The following RAB11FIP4 variants were observed in gnomAD, a reference collection of about 807,000 sequenced individuals.
The protein encoded by RAB11FIP4 is rab11 family-interacting protein 4.
Under a neutral mutation model 74.3 loss-of-function variants are expected in RAB11FIP4, and 23 were observed. The observed-to-expected ratio is 0.31, with a 90% CI of 0.22 to 0.44. The LOEUF (loss-of-function observed/expected upper bound fraction) is 0.44, where lower values mean the gene tolerates loss of function less well. Ranked by LOEUF, RAB11FIP4 falls within the 20% of genes least tolerant of loss-of-function variation. The pLI is 1.00. For synonymous variants in RAB11FIP4, 360 were observed against 359.9 expected (o/e 1.00, Z 0.00); for missense variants, 630 against 863.9 (o/e 0.73, Z 3.39).
chr17:31,442,713 A>G (rs2071417286), intron 3 of RAB11FIP4, among the ~76,000 whole-genome samples: 1 of 152,156 alleles, frequency 6.6e-6, no homozygotes, highest in Non-Finnish European at 1.5e-5. Flanking sequence ...TAATCCCAGC[A>G]CTTTGGGAAG....
intron 3 of RAB11FIP4, among the ~76,000 whole-genome samples, chr17:31,453,163 C>A (rs868250664): frequency 3.3e-5 from 5 of 152,044 alleles, no homozygotes; most frequent in Middle Eastern, 3.4e-3. Context: ...CCAGCCTAAG[C>A]AACATAGAGA....
intron 3 of RAB11FIP4, among the ~76,000 whole-genome samples, chr17:31,487,052 C>T (rs1043573126): frequency 5.3e-5 from 8 of 152,080 alleles, no homozygotes; most frequent in African/African-American, 1.9e-4. Context: ...TGGTCCTGCC[C>T]GTACCAAAGT....
intron 9 of RAB11FIP4, 108 bp from the exon 10 acceptor site, chr17:31,524,982 G>T: frequency 7.4e-7 from 1 of 1,360,322 alleles, no homozygotes; most frequent in Non-Finnish European, 1.0e-6. Context: ...GCCCTCAGTG[G>T]ACATGCCAGT....
chr17:31,434,722 G>A (rs944427028), intron 3 of RAB11FIP4, among the ~76,000 whole-genome samples: 2 of 152,188 alleles, frequency 1.3e-5, no homozygotes, highest in East Asian at 1.9e-4. Flanking sequence ...TTGTACTTAC[G>A]ATGATCAGTG....
At chr17:31,461,847 T>C (rs2071637102) in intron 3 of RAB11FIP4, among the ~76,000 whole-genome samples, 1 of 152,096 alleles carries the variant, frequency 6.6e-6, no homozygotes, top group Non-Finnish European at 1.5e-5. Flanking sequence ...TTCTACTGAA[T>C]GGGAATCTGC....
chr17:31,483,366 A>G (rs2071870152), intron 3 of RAB11FIP4, among the ~76,000 whole-genome samples: 1 of 151,908 alleles, frequency 6.6e-6, no homozygotes, highest in Admixed American at 6.6e-5. Flanking sequence ...ACCTGGCTCT[A>G]CTCCTGGCTC....
At chr17:31,524,421 G>C (rs907844874) in intron 9 of RAB11FIP4, 4 of 194,604 alleles carry the variant, frequency 2.1e-5, no homozygotes, top group Non-Finnish European at 4.3e-5. Context: ...TGCCGTTCCT[G>C]ATGCTGTCTG....
chr17:31,479,547 C>T (rs527888444), intron 3 of RAB11FIP4, among the ~76,000 whole-genome samples: 1 of 152,288 alleles, frequency 6.6e-6, no homozygotes, highest in East Asian at 1.9e-4. Context: ...GGTAGGGGAC[C>T]TGACAGGAGG....
chr17:31,450,691 G>A (rs144498456), intron 3 of RAB11FIP4, among the ~76,000 whole-genome samples: 22 of 152,022 alleles, frequency 1.4e-4, no homozygotes, highest in African/African-American at 5.1e-4. Context: ...ACTCCCCAGG[G>A]GAGCTGGTTG....
intron 1 of RAB11FIP4, among the ~76,000 whole-genome samples, chr17:31,402,598 T>TTTTATTTATTTTTA (rs2070998213): frequency 1.4e-5 from 2 of 142,752 alleles, no homozygotes; most frequent in African/African-American, 2.6e-5. Context: ...TTTTATTTAT[T>TTTTATTTATTTTTA]TTTATTTATT....
rs542489478 is a variant in RAB11FIP4 at position 31,527,984 on chromosome 17, G to A, written c.1356+61G>A. The A allele has an allele frequency of 7.1e-5, 93 of 1,303,558 alleles. No individual in the cohort carries two copies. In the African/African-American group the frequency reaches 1.3e-3, roughly 18 times the overall value. The allele number at this position is 1,303,558 out of a possible 1,614,324, so 80.7% of individuals were successfully genotyped here. On this transcript the variant is annotated intron_variant, in intron 11 of 14. Coordinates refer to ENST00000621161, the MANE Select transcript of RAB11FIP4 (RefSeq NM_032932.6). The stretch of plus-strand genomic sequence containing the variant: ...GGCCATCGGGAGCCTTTAGTTTATT[G>A]CTTCTGAAATTCTAAACAAATGCCG...
At chr17:31,401,023 C>T (rs1035477078) in intron 1 of RAB11FIP4, among the ~76,000 whole-genome samples, 5 of 152,206 alleles carry the variant, frequency 3.3e-5, no homozygotes, top group African/African-American at 1.2e-4. Flanking sequence ...AATCCCAGCA[C>T]TCTGGGAGGC....
At chr17:31,468,357 G>A (rs2071705393) in intron 3 of RAB11FIP4, among the ~76,000 whole-genome samples, 1 of 152,192 alleles carries the variant, frequency 6.6e-6, no homozygotes, top group African/African-American at 2.4e-5. Flanking sequence ...GCCTGGGGCA[G>A]AGTGGAGAGG....
chr17:31,530,069 G>GTAACTCCTCCACAAA (rs2072839614), intron 13 of RAB11FIP4, among the ~76,000 whole-genome samples: 1 of 152,250 alleles, frequency 6.6e-6, no homozygotes, highest in African/African-American at 2.4e-5. Flanking sequence ...AGCCTTGGCT[G>GTAACTCCTCCACAAA]CGCTGAGCAG....
chr17:31,458,912 T>C (rs1403826375), intron 3 of RAB11FIP4, among the ~76,000 whole-genome samples: 3 of 152,196 alleles, frequency 2.0e-5, no homozygotes, highest in Admixed American at 6.5e-5. Flanking sequence ...TGAAGACCTG[T>C]GGCTACATGC....
chr17:31,419,676 G>A (rs961988525), intron 1 of RAB11FIP4, among the ~76,000 whole-genome samples: 4 of 150,684 alleles, frequency 2.7e-5, no homozygotes, highest in Admixed American at 6.6e-5. Flanking sequence ...TCAGCCTCCC[G>A]AGTAGCTGGG....
chr17:31,406,198 G>T (rs1400624307), intron 1 of RAB11FIP4, among the ~76,000 whole-genome samples: 3 of 152,246 alleles, frequency 2.0e-5, no homozygotes, highest in African/African-American at 7.2e-5. Flanking sequence ...AGAAAGCCTG[G>T]AGGAGGAGTC....
chr17:31,472,162 CAA>C (rs35973497), intron 3 of RAB11FIP4, among the ~76,000 whole-genome samples: 134 of 142,402 alleles, frequency 9.4e-4, no homozygotes, highest in Non-Finnish European at 8.5e-4. Flanking sequence ...AAGTCTGTCT[CAA>C]AAAAAAAAAA....
chr17:31,451,609 C>T (rs568895053), intron 3 of RAB11FIP4, among the ~76,000 whole-genome samples: 24 of 152,146 alleles, frequency 1.6e-4, no homozygotes, highest in Non-Finnish European at 2.9e-4. Flanking sequence ...CTCCCAGATT[C>T]CCGGTGACTC....
Sources: gnomAD v4.1 joint callset for allele counts (sites outside exome capture counted in the v4.1 genomes callset) on GRCh38, gnomAD v4.1.1 for gene constraint, MANE v1.5 for transcripts, NCBI Gene and HGNC (gene_info 2026-07-23, HGNC 2026-07-21) for gene names.